The following AGPAT5 variants were observed in gnomAD, a reference collection of about 807,000 sequenced individuals.
AGPAT5 encodes 1-acylglycerol-3-phosphate O-acyltransferase 5.
A neutral mutation model predicts 45.6 loss-of-function variants in AGPAT5; 46 were observed. That is an observed-to-expected ratio of 1.01 (90% CI 0.80 to 1.29). The LOEUF (loss-of-function observed/expected upper bound fraction) is 1.29. Among genes scored for constraint, AGPAT5 ranks in the 50% most tolerant of loss-of-function variants. AGPAT5 has a pLI of 0.00. For missense variants in AGPAT5, 673 were observed against 450.7 expected (o/e 1.49, Z -4.47); for synonymous variants, 272 against 167.0 (o/e 1.63, Z -4.85).
At chr8:6,744,191 G>C (rs546100589) in intron 5 of AGPAT5, among the ~76,000 whole-genome samples, 4 of 152,124 alleles carry the variant, frequency 2.6e-5, no homozygotes, top group Non-Finnish European at 5.9e-5. Flanking sequence ...GCATGAATAA[G>C]AAATTCAAGA....
intron 7 of AGPAT5, among the ~76,000 whole-genome samples, chr8:6,755,404 C>T (rs975038822): frequency 6.6e-6 from 1 of 152,178 alleles, no homozygotes; most frequent in South Asian, 2.1e-4. Context: ...ATTTCTTGGA[C>T]AATACTACGT....
At position 6,743,796 on chromosome 8, in the gene AGPAT5, TTAAAACCATAGTTGC is replaced by T. The variant is rs562697241; in HGVS notation, c.586+2048_586+2062del. On this transcript the variant is annotated intron_variant, in intron 5 of 7. Transcript: ENST00000285518. The stretch of plus-strand genomic sequence containing the variant: ...GGTTTTTTTTTTTTAATTGCCATGG[TTAAAACCATAGTTGC>T]TAGCGAAGGTGACATACTTAAGCTT... Among the ~76,000 whole-genome samples the T allele has an allele frequency of 5.7e-4, 86 of 152,094 alleles. 1 individual carries two copies. Among genetic ancestry groups the T allele is most frequent in the African/African-American group, 2.0e-3 (83 of 41,514 alleles).
At chr8:6,749,854 C>T (rs1402281999) in intron 6 of AGPAT5, among the ~76,000 whole-genome samples, 1 of 152,206 alleles carries the variant, frequency 6.6e-6, no homozygotes. Context: ...CTAAGAACCC[C>T]TTGGTTCAGC....
At chr8:6,722,830 A>AT (rs113481466) in intron 1 of AGPAT5, among the ~76,000 whole-genome samples, 7,606 of 151,916 alleles carry the variant, frequency 0.05, 644 homozygotes, top group African/African-American at 0.17. Context: ...GAAAAGAGAA[A>AT]TTTTTTTTTC....
rs572962457 is a variant in AGPAT5 at position 6,720,919 on chromosome 8, G to T, written c.220-3951G>T. 4.1e-4 allele frequency among the ~76,000 whole-genome samples: 63 copies of T among 152,322 alleles called. 1 individual carries two copies. The highest frequency in any genetic ancestry group is 1.5e-3 in the African/African-American group (62 of 41,574). On this transcript the variant is annotated intron_variant, in intron 1 of 7. Coordinates refer to ENST00000285518, the MANE Select transcript of AGPAT5 (RefSeq NM_018361.5). ...ACTAGACATGGTAAGAACAATGAGA[G>T]AGCAGTGAGCCGTGATGGTCCAAAC...
At chr8:6,743,588 G>C (rs1801314304) in intron 5 of AGPAT5, among the ~76,000 whole-genome samples, 1 of 152,182 alleles carries the variant, frequency 6.6e-6, no homozygotes, top group African/African-American at 2.4e-5. Flanking sequence ...TTCAGATGGG[G>C]TCCTGCAGAA....
At chr8:6,714,931 T>C (rs914583537) in intron 1 of AGPAT5, among the ~76,000 whole-genome samples, 1 of 152,220 alleles carries the variant, frequency 6.6e-6, no homozygotes, top group Non-Finnish European at 1.5e-5. Flanking sequence ...GAAGTTAACT[T>C]TTCCTTTACT....
chr8:6,754,974 CTTA>C (rs1801783959), intron 6 of AGPAT5, 74 bp from the exon 7 acceptor site: 1 of 1,217,602 alleles, frequency 8.2e-7, no homozygotes, highest in Non-Finnish European at 1.1e-6. Context: ...GTCCTGTTAC[CTTA>C]TTTTCATTTT....
intron 1 of AGPAT5, among the ~76,000 whole-genome samples, chr8:6,716,723 C>T (rs1800343941): frequency 6.6e-6 from 1 of 152,068 alleles, no homozygotes; most frequent in African/African-American, 2.4e-5. Flanking sequence ...ATCTCAGCTA[C>T]ATGGGAGGCT....
intron 5 of AGPAT5, chr8:6,745,017 C>T (rs1315363695): frequency 2.0e-5 from 3 of 152,422 alleles, no homozygotes; most frequent in African/African-American, 4.8e-5. Flanking sequence ...TTTTGACTAC[C>T]TCATGGTTTT....
At chr8:6,748,156 C>T (rs1252865663) in intron 6 of AGPAT5, among the ~76,000 whole-genome samples, 2 of 152,140 alleles carry the variant, frequency 1.3e-5, no homozygotes, top group Non-Finnish European at 2.9e-5. Context: ...GTACTGAGTG[C>T]ACGTTATTAG....
intron 1 of AGPAT5, among the ~76,000 whole-genome samples, chr8:6,720,901 A>G (rs572550258): frequency 6.6e-6 from 1 of 152,118 alleles, no homozygotes; most frequent in Non-Finnish European, 1.5e-5. Context: ...TTCACTAGAC[A>G]TGGTAAGAAC....
At chr8:6,728,406 G>A (rs1047661387) in intron 2 of AGPAT5, among the ~76,000 whole-genome samples, 2 of 152,154 alleles carry the variant, frequency 1.3e-5, no homozygotes, top group African/African-American at 4.8e-5. Context: ...AGCAAATATT[G>A]GTGACACAAA....
In AGPAT5 at chr8:6,709,017, G is replaced by A. The variant is rs745575559; in HGVS notation, c.219+130G>A. The A allele has an allele frequency of 5.9e-6, 5 of 853,806 alleles. No homozygotes were observed. The South Asian group carries it at 7.2e-5, about 12-fold the overall frequency. 52.9% of individuals were successfully genotyped at this position (853,806 alleles called of 1,614,324 possible). A position where few individuals can be genotyped will look rare whatever the true frequency, so the allele number is the denominator to read the frequency against. On this transcript the variant is annotated intron_variant, in intron 1 of 7. Transcript: ENST00000285518. Reference sequence around the variant, plus strand: ...GGACCCAGCACGGAGAGCACGTGCCGCCTCCCCGCCTTCCTCTCCGCATGC... The same window carrying A: ...GGACCCAGCACGGAGAGCACGTGCCACCTCCCCGCCTTCCTCTCCGCATGC...
In AGPAT5 at chr8:6,757,175, A is replaced by G; in HGVS notation, c.882A>G (p.Glu294=). 6.2e-7 allele frequency: 1 copy of G among 1,613,458 alleles called. No homozygotes were observed. The highest frequency in any genetic ancestry group is 1.3e-5 in the African/African-American group (1 of 74,958). ...ATTCTGGCCATAGGATGCTTATAGAATTTTATGAGTCACCAGATCCAGAAA... is the reference window on the plus strand; with the variant it reads ...ATTCTGGCCATAGGATGCTTATAGAGTTTTATGAGTCACCAGATCCAGAAA... ...RFEIKDKMLI[E]FYESPDPERR... The change falls in exon 8 of 8, where the codon GAA becomes GAG. Residue 294 remains glutamate, a synonymous_variant. Transcript: ENST00000285518.
chr8:6,750,645 G>T (rs4841654), intron 6 of AGPAT5, among the ~76,000 whole-genome samples: 5,474 of 152,006 alleles, frequency 0.036, 227 homozygotes, highest in African/African-American at 0.098. Flanking sequence ...AAGAAAAATG[G>T]GTAAAGAACA....
At chr8:6,711,557 C>T (rs1800155579) in intron 1 of AGPAT5, among the ~76,000 whole-genome samples, 1 of 152,124 alleles carries the variant, frequency 6.6e-6, no homozygotes. Flanking sequence ...AGTTAAGTCT[C>T]TCTACTGTGT....
chr8:6,711,610 G>T lies in AGPAT5; in HGVS notation c.219+2723G>T, dbSNP rs924375881. Among the ~76,000 whole-genome samples, 18 of 152,306 alleles carry T rather than the reference G, an allele frequency of 1.2e-4. 1 individual carries two copies. In the South Asian group the frequency reaches 3.5e-3, roughly 30 times the overall value. ...AGTACCTGTGTTACTTTCCTGTGCT[G>T]CCAAAACAGATCACCTCAAACTAAG... On this transcript the variant is annotated intron_variant, in intron 1 of 7. Transcript: ENST00000285518.
At chr8:6,708,964 C>G in intron 1 of AGPAT5, 77 bp downstream of exon 1, 2 of 1,415,788 alleles carry the variant, frequency 1.4e-6, no homozygotes, top group Non-Finnish European at 1.9e-6. Context: ...TCCCCCACAG[C>G]TGGCGAGGGT....
Sources: gnomAD v4.1 joint callset for allele counts (sites outside exome capture counted in the v4.1 genomes callset) on GRCh38, gnomAD v4.1.1 for gene constraint, MANE v1.5 for transcripts, NCBI Gene and HGNC (gene_info 2026-07-23, HGNC 2026-07-21) for gene names.